ATP2B2: variants seen among roughly 807,000 people sequenced by gnomAD.
The protein encoded by ATP2B2 is plasma membrane calcium-transporting ATPase 2.
A neutral mutation model predicts 120.0 loss-of-function variants in ATP2B2; 15 were observed. That is an observed-to-expected ratio of 0.12 (90% CI 0.08 to 0.19). The LOEUF (loss-of-function observed/expected upper bound fraction) is 0.19. Ranked by LOEUF, ATP2B2 falls within the 10% of genes least tolerant of loss-of-function variation. The pLI is 1.00. For missense variants in ATP2B2, 1,045 were observed against 1,719.8 expected (o/e 0.61, Z 6.94); for synonymous variants, 694 against 700.3 (o/e 0.99, Z 0.14).
intron 12 of ATP2B2, among the ~76,000 whole-genome samples, chr3:10,362,524 C>T (rs2060932040): frequency 1.3e-5 from 2 of 152,244 alleles, no homozygotes; most frequent in African/African-American, 4.8e-5. Flanking sequence ...GGCTGGAGCA[C>T]ATGCTTTCTA....
chr3:10,684,615 G>C, intron 1 of ATP2B2, among the ~76,000 whole-genome samples: 1 of 152,208 alleles, frequency 6.6e-6, no homozygotes, highest in East Asian at 1.9e-4. Context: ...ATGAAAATCA[G>C]GATGAAGATT....
chr3:10,705,843 T>C (rs1167684433), intron 1 of ATP2B2, among the ~76,000 whole-genome samples: 1 of 152,220 alleles, frequency 6.6e-6, no homozygotes, highest in Non-Finnish European at 1.5e-5. Context: ...GGTTGGACCT[T>C]CCTGGTTTAT....
At chr3:10,513,424 C>T (rs930496004) in intron 3 of ATP2B2, among the ~76,000 whole-genome samples, 9 of 152,162 alleles carry the variant, frequency 5.9e-5, no homozygotes, top group African/African-American at 1.9e-4. Context: ...CCCCTGTGGA[C>T]CACTGTACAG....
At chr3:10,588,014 G>A (rs1439857424) in intron 2 of ATP2B2, among the ~76,000 whole-genome samples, 1 of 152,162 alleles carries the variant, frequency 6.6e-6, no homozygotes, top group Admixed American at 6.5e-5. Context: ...ATTTCCCCGT[G>A]CCACTAGTAC....
At chr3:10,525,217 C>A (rs2067067334) in intron 3 of ATP2B2, among the ~76,000 whole-genome samples, 1 of 152,202 alleles carries the variant, frequency 6.6e-6, no homozygotes, top group Admixed American at 6.5e-5. Flanking sequence ...ACCCCTGACA[C>A]CCTCATCCCC....
intron 1 of ATP2B2, among the ~76,000 whole-genome samples, chr3:10,640,275 C>G (rs7356107): frequency 2.6e-5 from 4 of 152,054 alleles, no homozygotes; most frequent in Admixed American, 2.6e-4. Flanking sequence ...TGGGGAACTA[C>G]GTCAGAGGTC....
chr3:10,495,509 G>C (rs1275523896), intron 1 of ATP2B2, among the ~76,000 whole-genome samples: 1 of 152,156 alleles, frequency 6.6e-6, no homozygotes, highest in Non-Finnish European at 1.5e-5. Flanking sequence ...GAAATTGCTC[G>C]CTAAACGAGA....
chr3:10,660,328 C>A (rs1209861911), intron 1 of ATP2B2, among the ~76,000 whole-genome samples: 1 of 151,714 alleles, frequency 6.6e-6, no homozygotes, highest in African/African-American at 2.4e-5. Flanking sequence ...TTGAAAAGAT[C>A]AACAAAATTG....
At chr3:10,361,248 C>T (rs762201413) in intron 12 of ATP2B2, among the ~76,000 whole-genome samples, 4 of 152,184 alleles carry the variant, frequency 2.6e-5, no homozygotes, top group Non-Finnish European at 4.4e-5. Context: ...AGACTCCTGA[C>T]CTCAAGTAAT....
intron 2 of ATP2B2, among the ~76,000 whole-genome samples, chr3:10,572,195 T>C (rs2068143876): frequency 6.6e-6 from 1 of 152,226 alleles, no homozygotes; most frequent in South Asian, 2.1e-4. Context: ...CTGGCCCATC[T>C]GCAGACTTGG....
chr3:10,432,854 G>A lies in ATP2B2; in HGVS notation c.199+16491C>T, dbSNP rs193025917. 5.3e-5 allele frequency among the ~76,000 whole-genome samples: 8 copies of A among 152,324 alleles called. No individual in the cohort carries two copies. In the East Asian group the frequency reaches 1.2e-3, roughly 22 times the overall value. On this transcript the variant is annotated intron_variant, in intron 2 of 22. Transcript: ENST00000360273. ...GGCGTGTATAAGGAGGCGGTGGAGA[G>A]GTTGCTGTTGGCTTTGGCCAGGGTT...
intron 1 of ATP2B2, among the ~76,000 whole-genome samples, chr3:10,646,906 T>C (rs2070335398): frequency 6.6e-6 from 1 of 152,104 alleles, no homozygotes; most frequent in Non-Finnish European, 1.5e-5. Flanking sequence ...GGAGACAACA[T>C]GTGGGGCGTT....
chr3:10,564,187 A>G (rs748950182), intron 2 of ATP2B2, among the ~76,000 whole-genome samples: 2 of 152,126 alleles, frequency 1.3e-5, no homozygotes, highest in Non-Finnish European at 2.9e-5. Context: ...CATATAACCA[A>G]TCCCTTGGGG....
intron 2 of ATP2B2, among the ~76,000 whole-genome samples, chr3:10,585,236 A>G (rs2068478851): frequency 6.6e-6 from 1 of 151,944 alleles, no homozygotes; most frequent in Non-Finnish European, 1.5e-5. Flanking sequence ...GGTGGCTCAC[A>G]CCTATAATCC....
chr3:10,345,601 G>A lies in ATP2B2; in HGVS notation c.2512-26C>T, dbSNP rs770596194. On this transcript the variant is annotated intron_variant, in intron 17 of 22. Coordinates refer to ENST00000360273, the MANE Select transcript of ATP2B2 (RefSeq NM_001001331.4). ...CTGTGGGGACAGGGACAGGAGGCTG[G>A]GTGGGGTGGCCGGGGGAGGTGACCA... is the stretch of plus-strand genomic sequence containing the variant. 2.3e-5 allele frequency: 37 copies of A among 1,610,924 alleles called. 1 individual carries two copies. The African/African-American group carries it at 2.7e-4, about 12-fold the overall frequency.
At chr3:10,680,613 G>C (rs1290035639) in intron 1 of ATP2B2, among the ~76,000 whole-genome samples, 1 of 152,108 alleles carries the variant, frequency 6.6e-6, no homozygotes, top group African/African-American at 2.4e-5. Flanking sequence ...AGGACCCGGG[G>C]GACATTAGGT....
In ATP2B2 at chr3:10,347,666, T is replaced by C. The variant is rs754381793; in HGVS notation, c.2405-1529A>G. 5.3e-5 allele frequency among the ~76,000 whole-genome samples: 8 copies of C among 152,210 alleles called. No individual in the cohort carries two copies. The highest frequency in any genetic ancestry group is 8.8e-5 in the Non-Finnish European group (6 of 68,022). On this transcript the variant is annotated intron_variant, in intron 16 of 22. Coordinates refer to ENST00000360273, the MANE Select transcript of ATP2B2 (RefSeq NM_001001331.4). This position sits in a 1 kb window ranked among gnomAD's most constrained non-coding sequence, Gnocchi z 5.2. ...TTGGGACATTAGGCCTGAGTTTCCA[T>C]AGTTCCCTCAGTCAGCCTGGGGGCT...
At chr3:10,353,430 G>C (rs1431870004) in intron 14 of ATP2B2, among the ~76,000 whole-genome samples, 2 of 152,206 alleles carry the variant, frequency 1.3e-5, no homozygotes, top group African/African-American at 4.8e-5. Context: ...GATTAGTCCT[G>C]GCCGCAGGGA....
In ATP2B2 at chr3:10,343,069, G is replaced by T; in HGVS notation, c.2704-104C>A. 1 of 1,207,686 alleles carries T rather than the reference G, an allele frequency of 8.3e-7. No individual in the cohort carries two copies. The highest frequency in any genetic ancestry group is 1.2e-6 in the Non-Finnish European group (1 of 837,680). The allele number at this position is 1,207,686 out of a possible 1,614,324, so 74.8% of individuals were successfully genotyped here. Reference sequence around the variant, plus strand: ...GTCCGCAGGCTCCTGCTGGAGGCTGGAGTCCGACCTGCCCCTTGGCTCCCC... The same window carrying T: ...GTCCGCAGGCTCCTGCTGGAGGCTGTAGTCCGACCTGCCCCTTGGCTCCCC... On this transcript the variant is annotated intron_variant, in intron 18 of 22. Transcript: ENST00000360273. The surrounding 1 kb of genome is among the most constrained non-coding windows in gnomAD (Gnocchi z 4.2).
Sources: allele counts gnomAD v4.1 joint callset (sites outside exome capture counted in the v4.1 genomes callset), GRCh38; gene constraint gnomAD v4.1.1; non-coding constraint Gnocchi (gnomAD v3.1); transcripts MANE v1.5; gene names NCBI Gene and HGNC (gene_info 2026-07-23, HGNC 2026-07-21).